SCML4: variants seen among roughly 807,000 people sequenced by gnomAD.
SCML4 encodes Scm polycomb group protein like 4, also known as sex comb on midleg-like protein 4.
SCML4 carries 34 observed loss-of-function variants against 41.1 expected under a neutral mutation model. The ratio of observed to expected loss-of-function variants is 0.83; its 90% CI spans 0.63 to 1.10. The LOEUF is 1.10. Among genes scored for constraint, SCML4 ranks in the 50% least tolerant of loss-of-function variants. SCML4 has a pLI of 0.00. For missense variants in SCML4, 522 were observed against 534.1 expected, an observed-to-expected ratio of 0.98 and a Z score of 0.22; for synonymous variants, 214 against 220.9, an observed-to-expected ratio of 0.97 and a Z score of 0.28.
At chr6:107,834,109 G>A in the SCML4 span, among the ~76,000 whole-genome samples, 23 of 152,174 alleles carry the variant, frequency 1.5e-4, no homozygotes, top group African/African-American at 5.5e-4. Flanking sequence ...CTGGCAGACC[G>A]AAGAAACTGG....
intron 5 of SCML4, among the ~76,000 whole-genome samples, chr6:107,733,158 C>A (rs548353850): frequency 3.0e-4 from 45 of 152,334 alleles, no homozygotes; most frequent in African/African-American, 1.1e-3. Flanking sequence ...GTGGCTGCAC[C>A]TGGTCCCCTG....
At chr6:107,751,614 CT>C (rs1562218764) in intron 2 of SCML4, among the ~76,000 whole-genome samples, 12 of 146,286 alleles carry the variant, frequency 8.2e-5, no homozygotes, top group Admixed American at 2.1e-4. Flanking sequence ...TTCTTTCTTT[CT>C]TTCTTTCTTT....
chr6:107,780,988 A>G (rs938972), intron 1 of SCML4, among the ~76,000 whole-genome samples: 69,843 of 151,794 alleles, frequency 0.46, 17,456 homozygotes, highest in African/African-American at 0.65. Flanking sequence ...AAAAGACTTA[A>G]ATAAGGCGCA....
At chr6:107,779,158 C>T (rs1157738958) in intron 1 of SCML4, among the ~76,000 whole-genome samples, 1 of 150,778 alleles carries the variant, frequency 6.6e-6, no homozygotes, top group African/African-American at 2.4e-5. Context: ...CCAGCCTGGG[C>T]AACAGAGGGA....
At chr6:107,797,937 T>C (rs1049874834) in intron 1 of SCML4, among the ~76,000 whole-genome samples, 1 of 152,060 alleles carries the variant, frequency 6.6e-6, no homozygotes, top group African/African-American at 2.4e-5. Flanking sequence ...GGATTTAGAA[T>C]GCTAAACAAG....
chr6:107,805,878 C>T (rs956493227), intron 1 of SCML4, among the ~76,000 whole-genome samples: 3 of 152,276 alleles, frequency 2.0e-5, no homozygotes, highest in Non-Finnish European at 4.4e-5. Flanking sequence ...ATTTGACAGA[C>T]ATTACCTCTG....
At chr6:107,770,417 T>C (rs1780425500) in intron 2 of SCML4, among the ~76,000 whole-genome samples, 1 of 152,198 alleles carries the variant, frequency 6.6e-6, no homozygotes, top group South Asian at 2.1e-4. Context: ...GCACCCGGTT[T>C]GGAACTATTA....
chr6:107,743,637 G>A (rs1280772611), intron 5 of SCML4, among the ~76,000 whole-genome samples: 1 of 152,200 alleles, frequency 6.6e-6, no homozygotes, highest in Non-Finnish European at 1.5e-5. Flanking sequence ...CCCGGAGAGA[G>A]ATGAGACTTC....
intron 3 of SCML4, among the ~76,000 whole-genome samples, chr6:107,748,831 G>A (rs779243800): frequency 3.3e-5 from 5 of 152,302 alleles, no homozygotes; most frequent in East Asian, 1.9e-4. Flanking sequence ...AGGAAAGTTC[G>A]TGAGGACCTT....
chr6:107,743,801 A>G (rs752610938), intron 5 of SCML4: 2 of 152,220 alleles, frequency 1.3e-5, no homozygotes, highest in African/African-American at 2.4e-5. Context: ...ATTGTAGGAA[A>G]GATTTTGATA....
chr6:107,776,211 T>C (rs9486687), intron 1 of SCML4, among the ~76,000 whole-genome samples: 1,704 of 152,096 alleles, frequency 0.011, 35 homozygotes, highest in African/African-American at 0.039. Flanking sequence ...TAAAAAAGAT[T>C]GAAAATAAAG....
At chr6:107,781,353 A>C (rs1351708561) in intron 1 of SCML4, among the ~76,000 whole-genome samples, 1 of 152,156 alleles carries the variant, frequency 6.6e-6, no homozygotes, top group Non-Finnish European at 1.5e-5. Context: ...GCAGGCCAAA[A>C]GAGGTTCCCC....
rs75193274 is a variant in SCML4, at chr6:107,749,628, A to G, written c.286+56T>C. On this transcript the variant is annotated intron_variant, in intron 3 of 7. Transcript: ENST00000369020. ...ATCCACAAAGTAACAATTAGATGGT[A>G]GCTGCCCTGTTCTCTACAGACCATC... 4.2e-3 allele frequency: 6,603 copies of G among 1,589,832 alleles called. 118 individuals are homozygous for G. The East Asian group carries it at 0.061, about 15-fold the overall frequency.
At chr6:107,720,622 C>G (rs1212579140) in intron 6 of SCML4, 81 bp downstream of exon 6, 1 of 1,449,320 alleles carries the variant, frequency 6.9e-7, no homozygotes, top group African/African-American at 1.4e-5. Flanking sequence ...AGCCACACTC[C>G]CCCTTCCCCA....
rs199894658 is a variant in SCML4 at position 107,746,917 on chromosome 6, C to T, written c.287-28G>A. ...GCGGAGACAGAGGTCACAAAGCCCT[C>T]GGCATCAGGCGCGCATCAGGCCAGC... On this transcript the variant is annotated intron_variant, in intron 3 of 7. Transcript: ENST00000369020. 3.2e-6 allele frequency: 5 copies of T among 1,583,674 alleles called. No homozygotes were observed. In the East Asian group the frequency reaches 1.1e-4, roughly 36 times the overall value.
intron 1 of SCML4, among the ~76,000 whole-genome samples, chr6:107,780,745 C>A (rs372843651): frequency 2.0e-5 from 3 of 150,704 alleles, no homozygotes; most frequent in South Asian, 2.1e-4. Context: ...AAAAAAAAAA[C>A]CAGGACTCGT....
chr6:107,842,428 A>G, the SCML4 span, among the ~76,000 whole-genome samples: 1 of 152,198 alleles, frequency 6.6e-6, no homozygotes, highest in Non-Finnish European at 1.5e-5. Context: ...AATTAGGTCA[A>G]GTTGGTTGAT....
chr6:107,802,189 C>T (rs754997368), intron 1 of SCML4, among the ~76,000 whole-genome samples: 3 of 152,112 alleles, frequency 2.0e-5, no homozygotes, highest in Non-Finnish European at 4.4e-5. Context: ...AACTTATATT[C>T]GTGAGAGACA....
At chr6:107,826,247 AAAAAAAG>A, upstream of SCML4, among the ~76,000 whole-genome samples, 1 of 151,772 alleles carries the variant, frequency 6.6e-6, no homozygotes, top group Non-Finnish European at 1.5e-5. Context: ...TCCATCTCAA[AAAAAAAG>A]AAAAAAGAAA....
Sources: gnomAD v4.1 joint callset for allele counts (sites outside exome capture counted in the v4.1 genomes callset) on GRCh38, gnomAD v4.1.1 for gene constraint, MANE v1.5 for transcripts, NCBI Gene and HGNC (gene_info 2026-07-23, HGNC 2026-07-21) for gene names.